Variants in BASP1 observed in about 807,000 individuals in gnomAD.
BASP1 encodes the protein brain abundant membrane attached signal protein 1, also known as brain acid soluble protein 1.
BASP1 carries 1 observed loss-of-function variant against 2.2 expected under a neutral mutation model. The observed-to-expected ratio is 0.46, with a 90% confidence interval of 0.16 to 2.17. The LOEUF (loss-of-function observed/expected upper bound fraction) is 2.17, where lower values mean the gene tolerates loss of function less well. BASP1 is among the 30% of genes most tolerant of loss of function. The pLI is 0.27. For synonymous variants in BASP1, 187 were observed against 154.2 expected (o/e 1.21, Z -1.58); for missense variants, 352 against 327.2 (o/e 1.08, Z -0.58).
At chr5:17,220,715 T>A (rs1739379057) in intron 1 of BASP1, among the ~76,000 whole-genome samples, 1 of 152,212 alleles carries the variant, frequency 6.6e-6, no homozygotes, top group East Asian at 1.9e-4. Flanking sequence ...CCTAAACATT[T>A]AGGCTGTCTA....
At chr5:17,273,898 C>T (rs1740577748) in intron 1 of BASP1, among the ~76,000 whole-genome samples, 1 of 152,134 alleles carries the variant, frequency 6.6e-6, no homozygotes, top group Non-Finnish European at 1.5e-5. Flanking sequence ...CCAGGAAAAG[C>T]AACCATTTTC....
intron 1 of BASP1, among the ~76,000 whole-genome samples, chr5:17,242,050 A>G (rs976916580): frequency 2.6e-5 from 4 of 152,158 alleles, no homozygotes; most frequent in African/African-American, 4.8e-5. Flanking sequence ...ATTCACGTCT[A>G]TTCTGTATGC....
intron 1 of BASP1, among the ~76,000 whole-genome samples, chr5:17,244,755 G>A (rs1739943884): frequency 2.0e-5 from 3 of 149,778 alleles, no homozygotes; most frequent in African/African-American, 4.9e-5. Flanking sequence ...GCAGTGGTGC[G>A]ATCTTGGCTA....
intron 1 of BASP1, among the ~76,000 whole-genome samples, chr5:17,245,324 A>G (rs1366745649): frequency 1.3e-5 from 2 of 151,832 alleles, no homozygotes; most frequent in East Asian, 3.9e-4. Context: ...AAAAAAAAAA[A>G]ATCAGTGTTG....
At chr5:17,250,635 C>A (rs886385119) in intron 1 of BASP1, among the ~76,000 whole-genome samples, 1 of 152,058 alleles carries the variant, frequency 6.6e-6, no homozygotes, top group African/African-American at 2.4e-5. Flanking sequence ...GACGGAGTCT[C>A]GCTTTGTCGC....
Position 17,275,444 on chromosome 5 carries a change from G to T in BASP1, c.228G>T (p.Ala76=). Residue 76 remains alanine, a synonymous_variant, in exon 2 of 2, where the codon GCG becomes GCT. Coordinates refer to ENST00000322611, the MANE Select transcript of BASP1 (RefSeq NM_006317.5). This position sits in a 1 kb window ranked among gnomAD's most constrained non-coding sequence, Gnocchi z 5.3. ...AGAAGGAGGGCGAGAAGGACGCGGC[G>T]GCTGCCAAGGAGGAGGCCCCGAAGG... ...AEEKEGEKDA[A]AAKEEAPKAE... 2.6e-6 allele frequency: 4 copies of T among 1,523,746 alleles called. No homozygotes were observed. The highest frequency in any genetic ancestry group is 3.5e-6 in the Non-Finnish European group (4 of 1,136,956). The allele number at this position is 1,523,746 out of a possible 1,614,324, so 94.4% of individuals were successfully genotyped here. A position where few individuals can be genotyped will look rare whatever the true frequency, so the allele number is the denominator to read the frequency against.
chr5:17,226,313 A>G (rs1739504077), intron 1 of BASP1, among the ~76,000 whole-genome samples: 2 of 152,378 alleles, frequency 1.3e-5, no homozygotes, highest in Non-Finnish European at 2.9e-5. Context: ...GCTGTTAGAT[A>G]AAAACTTTTC....
intron 1 of BASP1, among the ~76,000 whole-genome samples, chr5:17,264,406 C>T (rs73756106): frequency 0.028 from 4,248 of 152,198 alleles, 197 homozygotes; most frequent in African/African-American, 0.094. Context: ...GTAGATGCAA[C>T]TCAGTTGTAA....
rs1739759191 is a variant in BASP1 at position 17,236,986 on chromosome 5, A to G, written c.-10+19176A>G. On this transcript the variant is annotated intron_variant, in intron 1 of 1. Coordinates refer to ENST00000322611, the MANE Select transcript of BASP1 (RefSeq NM_006317.5). The surrounding 1 kb of genome is among the most constrained non-coding windows in gnomAD (Gnocchi z 4.0). ...GATTTTTCTGTATACTTTGAAAGCT[A>G]ATGAAATCTACCAGCCCACCGGGTA... Among the ~76,000 whole-genome samples, 1 of 152,114 alleles carries G rather than the reference A, an allele frequency of 6.6e-6. No homozygotes were observed. The highest frequency in any genetic ancestry group is 6.5e-5 in the Admixed American group (1 of 15,270).
intron 1 of BASP1, among the ~76,000 whole-genome samples, chr5:17,250,688 T>A (rs531528732): frequency 6.6e-6 from 1 of 152,320 alleles, no homozygotes; most frequent in African/African-American, 2.4e-5. Context: ...CACTGTAAGC[T>A]CCACCTCCCG....
At position 17,268,634 on chromosome 5, in the gene BASP1, G is replaced by T. The variant is rs537087245; in HGVS notation, c.-9-6574G>T. On this transcript the variant is annotated intron_variant, in intron 1 of 1. Coordinates refer to ENST00000322611, the MANE Select transcript of BASP1 (RefSeq NM_006317.5). ...TGTGTACAAAATAAACACAGCAGAT[G>T]ATCTGAAGGGATAAGGAATATCTTC... Among the ~76,000 whole-genome samples the T allele has an allele frequency of 2.6e-4, 39 of 152,324 alleles. No individual in the cohort carries two copies. The South Asian group carries it at 7.7e-3, about 30-fold the overall frequency.
chr5:17,218,873 T>A (rs964479431), intron 1 of BASP1, among the ~76,000 whole-genome samples: 10 of 152,026 alleles, frequency 6.6e-5, no homozygotes, highest in Non-Finnish European at 4.4e-5. Flanking sequence ...AGGCTCCTTA[T>A]CTGCGTCCCC....
chr5:17,267,817 C>CTTTTTTTTTTTTTTTTTTTTTTTTTTTT (rs748938177), intron 1 of BASP1, among the ~76,000 whole-genome samples: 1 of 33,432 alleles, frequency 3.0e-5, no homozygotes, highest in Non-Finnish European at 4.9e-5. Flanking sequence ...GCTCCCAGCC[C>CTTTTTTTTTTTTTTTTTTTTTTTTTTTT]TTTTTTTTTT....
chr5:17,268,460 C>T (rs73756109), intron 1 of BASP1, among the ~76,000 whole-genome samples: 1,706 of 152,268 alleles, frequency 0.011, 33 homozygotes, highest in African/African-American at 0.039. Flanking sequence ...GCAGCCAAAT[C>T]ATGGTTGTTT....
exon 2 of BASP1, chr5:17,276,829 AAAG>A (rs1387501756): frequency 3.0e-5 from 5 of 167,094 alleles, no homozygotes; most frequent in African/African-American, 7.2e-5. Context: ...AAACAATTAA[AAAG>A]AAGTAATAAA....
At chr5:17,228,789 TG>T (rs1315229982) in intron 1 of BASP1, among the ~76,000 whole-genome samples, 9 of 152,250 alleles carry the variant, frequency 5.9e-5, no homozygotes, top group Admixed American at 4.6e-4. Context: ...GTCTCATTTC[TG>T]TATTGATCCG....
chr5:17,230,070 ATC>A (rs1449906173), intron 1 of BASP1, among the ~76,000 whole-genome samples: 1 of 152,122 alleles, frequency 6.6e-6, no homozygotes, highest in African/African-American at 2.4e-5. Context: ...AGTTTTCTAA[ATC>A]AGAATGGAAT....
intron 1 of BASP1, among the ~76,000 whole-genome samples, chr5:17,253,848 C>A (rs1057385679): frequency 6.6e-6 from 1 of 151,722 alleles, no homozygotes; most frequent in African/African-American, 2.4e-5. Context: ...TTTTACTCAC[C>A]AGTGATGAGA....
chr5:17,275,776 C>A lies in BASP1; in HGVS notation c.560C>A (p.Pro187His). 1 of 1,613,212 alleles carries A rather than the reference C, an allele frequency of 6.2e-7. No homozygotes were observed. The highest frequency in any genetic ancestry group is 8.5e-7 in the Non-Finnish European group (1 of 1,179,808). The change falls in exon 2 of 2, where the codon CCC becomes CAC. Residue 187 changes from proline to histidine, a missense_variant. Transcript: ENST00000322611. The surrounding 1 kb of genome is among the most constrained non-coding windows in gnomAD (Gnocchi z 5.3). ...GCTGCCCCCTCTTCCAAGGAGACCC[C>A]CGCAGCCACGGAAGCGCCTAGTTCC... The part of the protein sequence containing the change: ...SEAAPSSKET[P>H]AATEAPSSTP...
Sources: gnomAD v4.1 joint callset for allele counts (sites outside exome capture counted in the v4.1 genomes callset) on GRCh38, gnomAD v4.1.1 for gene constraint, Gnocchi (gnomAD v3.1) non-coding constraint, MANE v1.5 for transcripts, NCBI Gene and HGNC (gene_info 2026-07-23, HGNC 2026-07-21) for gene names.